AUH: variants seen among roughly 807,000 people sequenced by gnomAD.
AUH encodes AU RNA binding methylglutaconyl-CoA hydratase.
AUH carries 29 observed loss-of-function variants against 42.3 expected under a neutral mutation model. The ratio of observed to expected loss-of-function variants is 0.69; its 90% CI spans 0.51 to 0.93. AUH has a LOEUF of 0.93. AUH is among the 40% of genes least tolerant of loss of function. The pLI, the probability that AUH is intolerant of heterozygous loss-of-function variation, is 0.00. For synonymous variants in AUH, 174 were observed against 166.4 expected (o/e 1.05, Z -0.35); for missense variants, 452 against 438.1 (o/e 1.03, Z -0.28).
intron 6 of AUH, among the ~76,000 whole-genome samples, chr9:91,245,238 G>C (rs933100476): frequency 6.6e-6 from 1 of 152,128 alleles, no homozygotes; most frequent in Non-Finnish European, 1.5e-5. Flanking sequence ...CAGGAGCCCC[G>C]TGGGGAAGCA....
chr9:91,307,433 G>T (rs1280833948), intron 4 of AUH, among the ~76,000 whole-genome samples: 1 of 152,084 alleles, frequency 6.6e-6, no homozygotes, highest in Non-Finnish European at 1.5e-5. Context: ...CTTACGTGCG[G>T]TTTCACTTTT....
intron 6 of AUH, among the ~76,000 whole-genome samples, chr9:91,265,529 T>A (rs1168919277): frequency 1.3e-5 from 2 of 151,958 alleles, no homozygotes; most frequent in Non-Finnish European, 2.9e-5. Context: ...ACCAGGAGAG[T>A]GGGAACTGTT....
intron 4 of AUH, among the ~76,000 whole-genome samples, chr9:91,304,164 A>C (rs1828034297): frequency 1.3e-5 from 2 of 152,228 alleles, no homozygotes; most frequent in Non-Finnish European, 1.5e-5. Flanking sequence ...CTAACAGATG[A>C]AGAGCAGCAA....
At chr9:91,250,174 C>T (rs1829049187) in intron 6 of AUH, among the ~76,000 whole-genome samples, 2 of 152,166 alleles carry the variant, frequency 1.3e-5, no homozygotes, top group African/African-American at 4.8e-5. Flanking sequence ...CCTGGAGTCC[C>T]GGAGGTCTGA....
chr9:91,338,329 T>G (rs760576406), intron 3 of AUH, among the ~76,000 whole-genome samples: 1 of 152,212 alleles, frequency 6.6e-6, no homozygotes, highest in Non-Finnish European at 1.5e-5. Context: ...GCATGCAAAC[T>G]ATAGTAACAC....
At chr9:91,219,286 G>C (rs1336713048) in intron 7 of AUH, among the ~76,000 whole-genome samples, 2 of 152,204 alleles carry the variant, frequency 1.3e-5, no homozygotes, top group Non-Finnish European at 2.9e-5. Flanking sequence ...CAGGAGGCCA[G>C]GAGCGGGCTC....
intron 6 of AUH, among the ~76,000 whole-genome samples, chr9:91,289,876 T>A (rs1314126358): frequency 3.3e-5 from 5 of 152,204 alleles, no homozygotes. Flanking sequence ...AAATCTCTGC[T>A]GTTTCAAAAG....
chr9:91,351,852 T>A (rs1484569657), intron 3 of AUH, among the ~76,000 whole-genome samples: 1 of 152,218 alleles, frequency 6.6e-6, no homozygotes, highest in African/African-American at 2.4e-5. Flanking sequence ...ATAGGATATA[T>A]GGTATAACAT....
intron 6 of AUH, among the ~76,000 whole-genome samples, chr9:91,277,492 A>T (rs1379127156): frequency 6.6e-6 from 1 of 152,220 alleles, no homozygotes; most frequent in African/African-American, 2.4e-5. Flanking sequence ...TAAGAGTTGT[A>T]AGTGAAAAGG....
intron 4 of AUH, among the ~76,000 whole-genome samples, chr9:91,309,842 G>A (rs1459892014): frequency 6.6e-6 from 1 of 152,124 alleles, no homozygotes; most frequent in Non-Finnish European, 1.5e-5. Context: ...TAAGAATATT[G>A]TTTTCTTCCC....
chr9:91,293,040 C>T (rs1040011794), intron 6 of AUH, among the ~76,000 whole-genome samples: 3 of 152,126 alleles, frequency 2.0e-5, no homozygotes, highest in Non-Finnish European at 4.4e-5. Context: ...TTTTGGGGCA[C>T]CATGAACCAC....
intron 4 of AUH, among the ~76,000 whole-genome samples, chr9:91,309,389 ACT>A: frequency 6.6e-6 from 1 of 151,264 alleles, no homozygotes; most frequent in East Asian, 2.0e-4. Context: ...ATTTAATCAC[ACT>A]CTCCTTCTTG....
chr9:91,289,250 T>C (rs1206599870), intron 6 of AUH, among the ~76,000 whole-genome samples: 2 of 152,240 alleles, frequency 1.3e-5, no homozygotes, highest in East Asian at 3.8e-4. Context: ...CTACAATTCA[T>C]GTATTTTACC....
At chr9:91,246,425 CTT>C (rs1212251719) in intron 6 of AUH, among the ~76,000 whole-genome samples, 3 of 152,204 alleles carry the variant, frequency 2.0e-5, no homozygotes, top group Non-Finnish European at 4.4e-5. Context: ...AAGACACCGT[CTT>C]TTATTTAAGA....
intron 5 of AUH, 130 bp from the exon 6 acceptor site, chr9:91,296,207 A>C: frequency 1.1e-6 from 1 of 885,852 alleles, no homozygotes; most frequent in Middle Eastern, 2.9e-4. Flanking sequence ...CTTAAAAAAA[A>C]TCACTTAAAA....
intron 6 of AUH, among the ~76,000 whole-genome samples, chr9:91,225,500 C>T (rs79342869): frequency 0.21 from 31,589 of 151,974 alleles, 3,500 homozygotes; most frequent in East Asian, 0.27. Context: ...TGCTAGTTCC[C>T]TTAGGCATCT....
intron 3 of AUH, among the ~76,000 whole-genome samples, chr9:91,332,409 G>C (rs1830396215): frequency 6.6e-6 from 1 of 152,272 alleles, no homozygotes. Context: ...GGCTGAGGCA[G>C]GAAAATCACT....
At position 91,222,493 on chromosome 9, in the gene AUH, G is replaced by A. The variant is rs1050985191; in HGVS notation, c.656-1501C>T. On this transcript the variant is annotated intron_variant, in intron 6 of 9. Transcript: ENST00000375731. ...ATTACGTGTTTAAGCTGCCCAAGCC[G>A]TTAGAGATGGTGAGTTTATATAAGT... is the stretch of plus-strand genomic sequence containing the variant. Among the ~76,000 whole-genome samples the A allele has an allele frequency of 1.2e-4, 18 of 152,228 alleles. 1 individual carries two copies. The highest frequency in any genetic ancestry group is 2.4e-4 in the African/African-American group (10 of 41,444).
intron 3 of AUH, among the ~76,000 whole-genome samples, chr9:91,351,444 C>T (rs1217288785): frequency 6.6e-6 from 1 of 152,206 alleles, no homozygotes; most frequent in Non-Finnish European, 1.5e-5. Context: ...ACTTAACATT[C>T]TAATGAGCGC....
Sources: gnomAD v4.1 joint callset for allele counts (sites outside exome capture counted in the v4.1 genomes callset) on GRCh38, gnomAD v4.1.1 for gene constraint, MANE v1.5 for transcripts, NCBI Gene and HGNC (gene_info 2026-07-23, HGNC 2026-07-21) for gene names.